Variants in HGSNAT observed in about 807,000 individuals in gnomAD.
The protein encoded by HGSNAT is transmembrane protein 76.
HGSNAT carries 59 observed loss-of-function variants against 85.2 expected under a neutral mutation model. The ratio of observed to expected loss-of-function variants is 0.69; its 90% confidence interval spans 0.56 to 0.86. The LOEUF (loss-of-function observed/expected upper bound fraction) is 0.86. Among genes scored for constraint, HGSNAT ranks in the 40% least tolerant of loss-of-function variants. The probability of loss-of-function intolerance (pLI) is 0.00; values close to 1 mark genes in which losing one functional copy is unlikely to be tolerated. For synonymous variants in HGSNAT, 321 were observed against 304.5 expected, an observed-to-expected ratio of 1.05 and a Z score of -0.56; for missense variants, 756 against 777.1, an observed-to-expected ratio of 0.97 and a Z score of 0.32.
chr8:43,182,289 A>T lies in HGSNAT; in HGVS notation c.1128+29A>T, dbSNP rs753137054. 1.9e-6 allele frequency: 3 copies of T among 1,548,306 alleles called. No individual in the cohort carries two copies. In the South Asian group the frequency reaches 3.3e-5, roughly 17 times the overall value. On this transcript the variant is annotated intron_variant, in intron 11 of 17. Transcript: ENST00000379644. ...AGAAACCATGTTTTAATTAAGAAAA[A>T]CTTTTTTTAAATTAAAAAAAATGTA...
intron 5 of HGSNAT, among the ~76,000 whole-genome samples, chr8:43,167,636 T>C (rs1803473542): frequency 6.6e-6 from 1 of 152,172 alleles, no homozygotes; most frequent in Non-Finnish European, 1.5e-5. Context: ...AGTCACTGTA[T>C]TGTGATATTG....
chr8:43,154,888 C>T (rs142453171), intron 2 of HGSNAT, among the ~76,000 whole-genome samples: 2,516 of 152,250 alleles, frequency 0.017, 28 homozygotes, highest in Middle Eastern at 0.034. Context: ...GCCATTCTAA[C>T]TGGTGTAAGA....
intron 9 of HGSNAT, among the ~76,000 whole-genome samples, chr8:43,176,731 G>A (rs983710346): frequency 3.3e-5 from 5 of 151,984 alleles, no homozygotes; most frequent in Non-Finnish European, 4.4e-5. Flanking sequence ...TTCATCAGTG[G>A]TTTATAGTTT....
At chr8:43,152,229 T>A (rs1467455658) in intron 2 of HGSNAT, among the ~76,000 whole-genome samples, 3 of 152,000 alleles carry the variant, frequency 2.0e-5, no homozygotes, top group African/African-American at 7.3e-5. Context: ...AGGCGGAGGT[T>A]GTAGTGAGCT....
rs1313661816 is a variant in HGSNAT at position 43,140,475 on chromosome 8, GGCGGCCGA to G, written c.-17_-10del. 4 of 969,384 alleles carry G rather than the reference GGCGGCCGA, an allele frequency of 4.1e-6. No homozygotes were observed. The highest frequency in any genetic ancestry group is 1.8e-5 in the African/African-American group (1 of 56,584). The allele number at this position is 969,384 out of a possible 1,614,324, so 60.0% of individuals were successfully genotyped here. On this transcript the variant is annotated 5_prime_UTR_variant, in exon 1 of 18. Transcript: ENST00000379644. ...GGGCGGGGCGCAGCGGGCAGGCAAG[GGCGGCCGA>G]GCGGGCGGCGGGCATGAGCGGGGCG... is the stretch of plus-strand genomic sequence containing the variant.
At chr8:43,171,992 T>G (rs950684396) in intron 7 of HGSNAT, among the ~76,000 whole-genome samples, 4 of 152,210 alleles carry the variant, frequency 2.6e-5, no homozygotes, top group African/African-American at 9.6e-5. Context: ...GACATCTAAA[T>G]AATTAGCACA....
At chr8:43,143,388 C>G (rs1802609975) in intron 1 of HGSNAT, among the ~76,000 whole-genome samples, 1 of 152,158 alleles carries the variant, frequency 6.6e-6, no homozygotes, top group African/African-American at 2.4e-5. Flanking sequence ...TCTGTTGAGG[C>G]TCAGGAGACT....
intron 11 of HGSNAT, among the ~76,000 whole-genome samples, chr8:43,190,880 G>A (rs1804504325): frequency 6.6e-6 from 1 of 152,078 alleles, no homozygotes; most frequent in Non-Finnish European, 1.5e-5. Flanking sequence ...ACCCCACGAA[G>A]AACCCTGCAC....
At chr8:43,178,600 T>C (rs988577536) in intron 10 of HGSNAT, among the ~76,000 whole-genome samples, 5 of 150,168 alleles carry the variant, frequency 3.3e-5, no homozygotes, top group African/African-American at 9.8e-5. Flanking sequence ...CTTTCTTTTT[T>C]TTTTTTTTTT....
chr8:43,162,221 A>G (rs147523490), intron 5 of HGSNAT, among the ~76,000 whole-genome samples: 5 of 152,354 alleles, frequency 3.3e-5, no homozygotes, highest in African/African-American at 1.2e-4. Context: ...TTGATGAGCA[A>G]TATCCAAACT....
chr8:43,156,568 A>AT (rs202086315), intron 2 of HGSNAT, among the ~76,000 whole-genome samples: 3 of 152,100 alleles, frequency 2.0e-5, no homozygotes, highest in Admixed American at 2.0e-4. Context: ...CCTGTTACTG[A>AT]TTTTTAGTTT....
intron 9 of HGSNAT, among the ~76,000 whole-genome samples, chr8:43,175,557 C>CTTTTTTT (rs572939859): frequency 1.6e-5 from 1 of 63,126 alleles, no homozygotes; most frequent in Non-Finnish European, 3.1e-5. Flanking sequence ...CTTTTGTCCT[C>CTTTTTTT]TTTTTTTTTT....
chr8:43,199,269 C>A, intron 17 of HGSNAT, 119 bp from the exon 18 acceptor site: 2 of 666,156 alleles, frequency 3.0e-6, no homozygotes, highest in South Asian at 2.3e-5. Flanking sequence ...TTGGCAGTAG[C>A]CAACAATGGA....
intron 15 of HGSNAT, 107 bp downstream of exon 15, chr8:43,197,132 C>G (rs1385678506): frequency 5.6e-6 from 4 of 719,814 alleles, no homozygotes; most frequent in South Asian, 3.2e-5. Flanking sequence ...CACCACATGG[C>G]AGCAGGTACC....
chr8:43,189,291 G>C (rs1563380330), intron 11 of HGSNAT, among the ~76,000 whole-genome samples: 2 of 152,174 alleles, frequency 1.3e-5, no homozygotes, highest in Non-Finnish European at 2.9e-5. Flanking sequence ...CTCAGTTCAA[G>C]CTCCCCACCT....
chr8:43,170,450 A>G, intron 6 of HGSNAT, 135 bp from the exon 7 acceptor site: 2 of 774,640 alleles, frequency 2.6e-6, no homozygotes, highest in South Asian at 3.3e-5. Context: ...ATTGCACTCC[A>G]GGCTGGGCCA....
Position 43,172,434 on chromosome 8 carries a change from A to G in HGSNAT, c.820+48A>G, listed in dbSNP as rs190447162. ...TGTTGCTTATATACGTCCTTCACAG[A>G]GCTTCAGGGCAGGAGAATCACTCAG... On this transcript the variant is annotated intron_variant, in intron 8 of 17. Transcript: ENST00000379644. 319 of 1,310,784 alleles carry G rather than the reference A, an allele frequency of 2.4e-4. No individual in the cohort carries two copies. In the African/African-American group the frequency reaches 4.1e-3, roughly 17 times the overall value. 81.2% of individuals were successfully genotyped at this position (1,310,784 alleles called of 1,614,324 possible). A position where few individuals can be genotyped will look rare whatever the true frequency, so the allele number is the denominator to read the frequency against.
At chr8:43,141,749 T>G (rs898262365) in intron 1 of HGSNAT, among the ~76,000 whole-genome samples, 8 of 152,116 alleles carry the variant, frequency 5.3e-5, no homozygotes, top group Non-Finnish European at 1.0e-4. Context: ...TGTGCGATCC[T>G]TGATCCACCC....
Position 43,169,207 on chromosome 8 carries a change from A to G in HGSNAT, c.598A>G (p.Ile200Val), listed in dbSNP as rs754185531. 5.7e-6 allele frequency: 9 copies of G among 1,585,578 alleles called. No individual in the cohort carries two copies. The highest frequency in any genetic ancestry group is 3.5e-5 in the Admixed American group (2 of 56,758). Reference sequence around the variant, plus strand: ...CTTTAACAATTGGATTTCTAAAGCCATAAGTTCTCGAGAAACTGATCGCCT... The same window carrying G: ...CTTTAACAATTGGATTTCTAAAGCCGTAAGTTCTCGAGAAACTGATCGCCT... ...DDFNNWISKA[I>V]SSRETDRLIN... The change falls in exon 6 of 18, where the codon ATA (isoleucine) becomes GTA (valine). Residue 200 changes from isoleucine (I) to valine (V), a missense_variant. Transcript: ENST00000379644.
Sources: allele counts gnomAD v4.1 joint callset (sites outside exome capture counted in the v4.1 genomes callset), GRCh38; gene constraint gnomAD v4.1.1; transcripts MANE v1.5; gene names NCBI Gene and HGNC (gene_info 2026-07-23, HGNC 2026-07-21).